PCNX1: variants seen among roughly 807,000 people sequenced by gnomAD.
PCNX1 encodes the protein pecanex-like protein 1.
Under a neutral mutation model 242.2 loss-of-function variants are expected in PCNX1, and 78 were observed. The ratio of observed to expected loss-of-function variants is 0.32; its 90% CI spans 0.27 to 0.39. The LOEUF is 0.39. Ranked by LOEUF, PCNX1 falls within the 10% of genes least tolerant of loss-of-function variation. PCNX1 has a pLI of 1.00. For synonymous variants in PCNX1, 1,024 were observed against 1,032.9 expected, an observed-to-expected ratio of 0.99 and a Z score of 0.17; for missense variants, 2,581 against 2,856.5, an observed-to-expected ratio of 0.90 and a Z score of 2.20.
rs749173454 is a variant in PCNX1 at position 70,976,994 on chromosome 14, C to T, written c.657C>T (p.Ile219=). 6.2e-7 allele frequency: 1 copy of T among 1,614,056 alleles called. No individual in the cohort carries two copies. Among genetic ancestry groups the T allele is most frequent in the South Asian group, 1.1e-5 (1 of 91,086 alleles). Residue 219 remains isoleucine, a synonymous_variant, in exon 6 of 36, where the codon ATC becomes ATT. Transcript: ENST00000304743. ...GTCTTGTCTCCAATGACTCCTTCAT[C>T]TCTATTCAGCCTTCCTTATCCTCTT... The part of the protein sequence containing the change: ...LFRLVSNDSF[I]SIQPSLSSCG...
chr14:70,940,212 T>G (rs541878588), intron 1 of PCNX1, among the ~76,000 whole-genome samples: 1 of 152,306 alleles, frequency 6.6e-6, no homozygotes, highest in East Asian at 1.9e-4. Flanking sequence ...TTGATGCAGT[T>G]TCTTCCTAGC....
chr14:70,983,120 T>C (rs907493577), intron 6 of PCNX1, among the ~76,000 whole-genome samples: 1 of 152,196 alleles, frequency 6.6e-6, no homozygotes, highest in Non-Finnish European at 1.5e-5. Context: ...GGGACTCTCC[T>C]GAAAGTGGAT....
In PCNX1 at chr14:71,113,444, T is replaced by C. The variant is rs2062792457; in HGVS notation, c.*3509T>C. ...AGATGTGTTTTTCTTTCTGAATTAGTTTATTTTTCCATCACATACCAAAAT... is the reference window on the plus strand; with the variant it reads ...AGATGTGTTTTTCTTTCTGAATTAGCTTATTTTTCCATCACATACCAAAAT... On this transcript the variant is annotated 3_prime_UTR_variant, in exon 36 of 36. Coordinates refer to ENST00000304743, the MANE Select transcript of PCNX1 (RefSeq NM_014982.3). The C allele has an allele frequency of 6.5e-6, 1 of 152,672 alleles. No individual in the cohort carries two copies. The highest frequency in any genetic ancestry group is 1.9e-4 in the East Asian group (1 of 5,200). 9.5% of individuals were successfully genotyped at this position (152,672 alleles called of 1,614,324 possible). A position where few individuals can be genotyped will look rare whatever the true frequency, so the allele number is the denominator to read the frequency against.
Position 71,103,635 on chromosome 14 carries a change from A to T in PCNX1, c.6061A>T (p.Asn2021Tyr), listed in dbSNP as rs1160465101. Residue 2021 changes from asparagine to tyrosine, a missense_variant, in exon 32 of 36, where the codon AAT becomes TAT. Transcript: ENST00000304743. ...TCTTGGGGGTCCTATCAGCTTGGGA[A>T]ATATCAGGAACTTCATAGTGTCAAC... The part of the protein sequence containing the change: ...DILGGPISLG[N>Y]IRNFIVSTWH... 1 of 1,613,980 alleles carries T rather than the reference A, an allele frequency of 6.2e-7. No homozygotes were observed. Among genetic ancestry groups the T allele is most frequent in the Non-Finnish European group, 8.5e-7 (1 of 1,180,002 alleles).
chr14:70,937,041 T>A (rs2057034146), intron 1 of PCNX1, among the ~76,000 whole-genome samples: 1 of 82,432 alleles, frequency 1.2e-5, no homozygotes, highest in Admixed American at 1.1e-4. Flanking sequence ...TAGCCCTTTG[T>A]CAGATGGATA....
intron 1 of PCNX1, among the ~76,000 whole-genome samples, chr14:70,911,060 A>G (rs773417119): frequency 2.0e-5 from 3 of 151,818 alleles, no homozygotes; most frequent in Non-Finnish European, 4.4e-5. Flanking sequence ...ATAAAGCAAA[A>G]TCCAACATTT....
At chr14:71,014,751 A>G (rs2059915279) in intron 11 of PCNX1, among the ~76,000 whole-genome samples, 1 of 152,216 alleles carries the variant, frequency 6.6e-6, no homozygotes, top group African/African-American at 2.4e-5. Flanking sequence ...CTGTGGGACA[A>G]CTACAAGAGG....
chr14:71,103,611 C>A lies in PCNX1; in HGVS notation c.6037C>A (p.Leu2013Ile). 1 of 1,614,150 alleles carries A rather than the reference C, an allele frequency of 6.2e-7. No individual in the cohort carries two copies. Residue 2013 changes from leucine (L) to isoleucine (I), a missense_variant, in exon 32 of 36, where the codon CTT (leucine) becomes ATT (isoleucine). Physicochemically the swap from Leu to Ile is conservative, Grantham distance 5 (BLOSUM62 2). Transcript: ENST00000304743. ...CAGCCACGAACAGCTTAAAGACATT[C>A]TTGGGGGTCCTATCAGCTTGGGAAA... is the stretch of plus-strand genomic sequence containing the variant. The part of the protein sequence containing the change: ...SDSHEQLKDI[L>I]GGPISLGNIR...
chr14:70,908,386 C>T (rs948974876), intron 1 of PCNX1, among the ~76,000 whole-genome samples: 4 of 152,092 alleles, frequency 2.6e-5, no homozygotes, highest in Non-Finnish European at 5.9e-5. Flanking sequence ...CCGCATCCAT[C>T]CTTGGCACGC....
chr14:70,930,535 CAG>C (rs1346354061), intron 1 of PCNX1, among the ~76,000 whole-genome samples: 9 of 152,000 alleles, frequency 5.9e-5, no homozygotes, highest in Admixed American at 2.0e-4. Flanking sequence ...GAGTGACAAA[CAG>C]ATTTTTAAAA....
rs749761392 is a variant in PCNX1 at position 71,033,510 on chromosome 14, C to T, written c.3640C>T (p.Arg1214Ter). The part of the protein sequence containing the change: ...LLVAVSYHLS[R>*]QSSDPSVLFS... Reference sequence around the variant, plus strand: ...AGTGGCAGTGTCTTACCATCTCAGCCGACAAAGCAGTGATCCATCTGTACT... The same window carrying T: ...AGTGGCAGTGTCTTACCATCTCAGCTGACAAAGCAGTGATCCATCTGTACT... The change falls in exon 17 of 36, where the codon CGA (arginine) becomes TGA (stop). Residue 1214 changes from arginine (R) to a stop codon, truncating the protein, a stop_gained. Transcript: ENST00000304743. LOFTEE classifies it high-confidence loss of function. 1.9e-6 allele frequency: 3 copies of T among 1,596,768 alleles called. No homozygotes were observed. Among genetic ancestry groups the T allele is most frequent in the South Asian group, 2.2e-5 (2 of 90,638 alleles).
intron 1 of PCNX1, among the ~76,000 whole-genome samples, chr14:70,908,931 C>G (rs965189631): frequency 6.6e-6 from 1 of 151,722 alleles, no homozygotes; most frequent in African/African-American, 2.4e-5. Context: ...TAGGGAAACT[C>G]GTGTGGACAG....
chr14:71,073,490 A>G (rs1566776255), intron 26 of PCNX1, 55 bp from the exon 27 acceptor site: 1 of 1,527,102 alleles, frequency 6.5e-7, no homozygotes, highest in African/African-American at 1.4e-5. Context: ...CCTTGCATTC[A>G]TTTTTCCCAC....
intron 11 of PCNX1, among the ~76,000 whole-genome samples, chr14:71,018,582 A>G (rs2060017870): frequency 6.6e-6 from 1 of 152,310 alleles, no homozygotes; most frequent in South Asian, 2.1e-4. Flanking sequence ...CTATTTTGCC[A>G]TATAACAAAT....
At chr14:70,923,061 C>G (rs1315612462) in intron 1 of PCNX1, among the ~76,000 whole-genome samples, 1 of 151,942 alleles carries the variant, frequency 6.6e-6, no homozygotes, top group African/African-American at 2.4e-5. Flanking sequence ...TTTCCTTAAT[C>G]ATGAATTCTT....
chr14:70,988,987 C>CT lies in PCNX1; in HGVS notation c.2444+299dup, dbSNP rs369000511. 9.5e-3 allele frequency among the ~76,000 whole-genome samples: 1,369 copies of CT among 144,348 alleles called. 9 individuals carry two copies. Among genetic ancestry groups the CT allele is most frequent in the South Asian group, 0.018 (81 of 4,578 alleles). The allele number at this position is 144,348 out of a possible 152,430, so 94.7% of individuals were successfully genotyped here. A position where few individuals can be genotyped will look rare whatever the true frequency, so the allele number is the denominator to read the frequency against. ...ATATAGTGGGCCTTAGTCAGCTTTCCTTTTTTTTTTTCTCCCACTCCAAAT... is the reference window on the plus strand; with the variant it reads ...ATATAGTGGGCCTTAGTCAGCTTTCCTTTTTTTTTTTTCTCCCACTCCAAAT... On this transcript the variant is annotated intron_variant, in intron 7 of 35. Coordinates refer to ENST00000304743, the MANE Select transcript of PCNX1 (RefSeq NM_014982.3).
Position 71,013,052 on chromosome 14 carries a change from A to T in PCNX1, c.2846A>T (p.Asp949Val). 6.2e-7 allele frequency: 1 copy of T among 1,614,088 alleles called. No homozygotes were observed. The highest frequency in any genetic ancestry group is 8.5e-7 in the Non-Finnish European group (1 of 1,179,940). ...TIDTDLLEQQ[D>V]IDLSPDLAAT... The stretch of plus-strand genomic sequence containing the variant: ...GATACAGATTTGTTGGAGCAACAGG[A>T]CATTGATCTAAGCCCTGACTTGGCA... Residue 949 changes from aspartate to valine, a missense_variant, in exon 11 of 36, where the codon GAC (aspartate) becomes GTC (valine). This residue lies in a region of PCNX1 where 1,204 missense variants were observed against 1,216.7 expected (regional missense o/e 0.99). Transcript: ENST00000304743.
In PCNX1 at chr14:70,988,662, C is replaced by G. The variant is rs1282353078; in HGVS notation, c.2407C>G (p.Pro803Ala). Residue 803 changes from proline (P) to alanine (A), a missense_variant, in exon 7 of 36, where the codon CCT becomes GCT. This residue lies in a region of PCNX1 where 1,204 missense variants were observed against 1,216.7 expected (regional missense o/e 0.99). Coordinates refer to ENST00000304743, the MANE Select transcript of PCNX1 (RefSeq NM_014982.3). ...GCGCCGGCACAATGCAGGGAGTAAC[C>G]CTACCCCTCCTACATTGCTCATCGG... Reference protein sequence around the residue: ...VRRRHNAGSNPTPPTLLIGSP... With the variant: ...VRRRHNAGSNATPPTLLIGSP... The G allele has an allele frequency of 1.2e-6, 2 of 1,613,954 alleles. No individual in the cohort carries two copies. Among genetic ancestry groups the G allele is most frequent in the Admixed American group, 1.7e-5 (1 of 60,012 alleles).
chr14:70,922,284 TATATATAGAAAAC>T (rs2056408212), intron 1 of PCNX1, among the ~76,000 whole-genome samples: 1 of 152,148 alleles, frequency 6.6e-6, no homozygotes. Flanking sequence ...AGTAGTTAAG[TATATATAGAAAAC>T]ATGAATTTTT....
Sources: allele counts gnomAD v4.1 joint callset (sites outside exome capture counted in the v4.1 genomes callset), GRCh38; gene constraint gnomAD v4.1.1; regional missense constraint gnomAD v4.1.1; transcripts MANE v1.5; gene names NCBI Gene and HGNC (gene_info 2026-07-23, HGNC 2026-07-21).